GPD2: variants seen among roughly 807,000 people sequenced by gnomAD.
The protein encoded by GPD2 is glycerol-3-phosphate dehydrogenase 2, also known as glycerol-3-phosphate dehydrogenase, mitochondrial.
In GPD2, 54 loss-of-function variants were observed where a neutral mutation model predicts 82.4. The ratio of observed to expected loss-of-function variants is 0.66; its 90% CI spans 0.53 to 0.82. The LOEUF (loss-of-function observed/expected upper bound fraction) is 0.82, where lower values mean the gene tolerates loss of function less well. GPD2 is among the 40% of genes least tolerant of loss of function. The pLI is 0.00. For synonymous variants in GPD2, 288 were observed against 306.1 expected (o/e 0.94, Z 0.62); for missense variants, 748 against 896.2 (o/e 0.83, Z 2.11).
intron 1 of GPD2, among the ~76,000 whole-genome samples, chr2:156,447,761 T>G (rs1682418477): frequency 6.6e-6 from 1 of 152,248 alleles, no homozygotes; most frequent in Admixed American, 6.5e-5. Context: ...CTGTGACATC[T>G]TCTCTTGGAT....
intron 1 of GPD2, among the ~76,000 whole-genome samples, chr2:156,451,698 A>C (rs1682595545): frequency 1.8e-5 from 2 of 109,958 alleles, no homozygotes; most frequent in Admixed American, 9.2e-5. Flanking sequence ...CGGGGGGCTG[A>C]CCCCCCCACC....
intron 1 of GPD2, among the ~76,000 whole-genome samples, chr2:156,457,548 A>G (rs902786350): frequency 6.6e-6 from 1 of 152,124 alleles, no homozygotes; most frequent in African/African-American, 2.4e-5. Context: ...TATTTGAGTG[A>G]ATGTTTATTT....
chr2:156,509,765 C>CTTTTTTTTTTTTTTTTTTT (rs60361072), intron 3 of GPD2, among the ~76,000 whole-genome samples: 4 of 117,382 alleles, frequency 3.4e-5, no homozygotes, highest in Non-Finnish European at 6.7e-5. Context: ...ATATGTTCTT[C>CTTTTTTTTTTTTTTTTTTT]TTTTTTTTTT....
the GPD2 span, among the ~76,000 whole-genome samples, chr2:156,417,268 C>A: frequency 6.6e-6 from 1 of 152,106 alleles, no homozygotes; most frequent in Non-Finnish European, 1.5e-5. Context: ...TGTTTGGGAC[C>A]ACTTTCTGCT....
At chr2:156,401,504 A>G in the GPD2 span, among the ~76,000 whole-genome samples, 1 of 152,240 alleles carries the variant, frequency 6.6e-6, no homozygotes, top group South Asian at 2.1e-4. Flanking sequence ...AGACACTTAG[A>G]TAATTTATAA....
intron 3 of GPD2, among the ~76,000 whole-genome samples, chr2:156,502,200 C>T (rs76375815): frequency 0.02 from 3,026 of 151,784 alleles, 102 homozygotes; most frequent in African/African-American, 0.069. Context: ...TTTAAAACAT[C>T]ATAAAACTAT....
intron 6 of GPD2, among the ~76,000 whole-genome samples, chr2:156,522,705 A>G (rs1298543089): frequency 1.4e-5 from 2 of 147,640 alleles, no homozygotes; most frequent in African/African-American, 5.0e-5. Context: ...TTTTGCAGAA[A>G]TTATCTTTGA....
chr2:156,456,797 G>A (rs528523155), intron 1 of GPD2, among the ~76,000 whole-genome samples: 58 of 152,114 alleles, frequency 3.8e-4, no homozygotes, highest in African/African-American at 1.3e-3. Context: ...GTGAAGGTGG[G>A]TTGGGGGCTG....
chr2:156,475,438 C>T (rs1683475057), intron 1 of GPD2, among the ~76,000 whole-genome samples: 1 of 152,114 alleles, frequency 6.6e-6, no homozygotes, highest in South Asian at 2.1e-4. Context: ...AGGCGATTCT[C>T]CTGCCTCAGC....
intron 1 of GPD2, among the ~76,000 whole-genome samples, chr2:156,444,814 CA>C (rs1682303424): frequency 6.6e-6 from 1 of 152,134 alleles, no homozygotes; most frequent in East Asian, 1.9e-4. Flanking sequence ...TGCAGTGGCA[CA>C]TTTATAGCTC....
intron 8 of GPD2, among the ~76,000 whole-genome samples, chr2:156,554,227 G>T (rs995860416): frequency 6.6e-6 from 1 of 152,192 alleles, no homozygotes; most frequent in Non-Finnish European, 1.5e-5. Flanking sequence ...TGACTCTGTG[G>T]TATCATCAGT....
At chr2:156,484,489 G>T (rs144938373) in intron 2 of GPD2, among the ~76,000 whole-genome samples, 1 of 152,260 alleles carries the variant, frequency 6.6e-6, no homozygotes, top group East Asian at 1.9e-4. Flanking sequence ...TTCCTAAATA[G>T]TCTTTGTTTT....
chr2:156,432,696 T>C (rs1418265004), upstream of GPD2, among the ~76,000 whole-genome samples: 3 of 152,218 alleles, frequency 2.0e-5, no homozygotes, highest in African/African-American at 7.2e-5. Context: ...AATGTTTTAT[T>C]GGAGAAAATT....
intron 9 of GPD2, among the ~76,000 whole-genome samples, chr2:156,558,026 A>G (rs1455962446): frequency 6.6e-6 from 1 of 152,232 alleles, no homozygotes; most frequent in Non-Finnish European, 1.5e-5. Flanking sequence ...GGAAAGTATA[A>G]TGTTGACCAG....
intron 1 of GPD2, among the ~76,000 whole-genome samples, chr2:156,448,921 C>T (rs571669826): frequency 3.3e-5 from 5 of 152,350 alleles, no homozygotes; most frequent in Admixed American, 1.3e-4. Context: ...GATGTGCTCC[C>T]TTCTGAGGAG....
chr2:156,519,801 C>A (rs1477018013), intron 6 of GPD2, among the ~76,000 whole-genome samples: 3 of 152,172 alleles, frequency 2.0e-5, no homozygotes, highest in Non-Finnish European at 2.9e-5. Context: ...GGTGCCTGGG[C>A]CAGGGTGAGT....
chr2:156,406,420 T>C, the GPD2 span, among the ~76,000 whole-genome samples: 1 of 152,226 alleles, frequency 6.6e-6, no homozygotes, highest in African/African-American at 2.4e-5. Context: ...CCTTTTAAAA[T>C]GGCACTGACT....
At chr2:156,575,402 C>CTTTTT (rs35297244) in intron 13 of GPD2, among the ~76,000 whole-genome samples, 9 of 91,160 alleles carry the variant, frequency 9.9e-5, no homozygotes, top group African/African-American at 2.4e-4. Flanking sequence ...CTTTTCTTTT[C>CTTTTT]TTTTTTTTTT....
intron 2 of GPD2, among the ~76,000 whole-genome samples, chr2:156,489,127 G>C (rs1684055732): frequency 6.6e-6 from 1 of 152,154 alleles, no homozygotes; most frequent in African/African-American, 2.4e-5. Flanking sequence ...GTGTCTACAG[G>C]GGATAGAGTG....
Sources: gnomAD v4.1 joint callset for allele counts (sites outside exome capture counted in the v4.1 genomes callset) on GRCh38, gnomAD v4.1.1 for gene constraint, MANE v1.5 for transcripts, NCBI Gene and HGNC (gene_info 2026-07-23, HGNC 2026-07-21) for gene names.